The following DCP2 variants were observed in gnomAD, a reference collection of about 807,000 sequenced individuals.
DCP2 encodes m7GpppN-mRNA hydrolase.
A neutral mutation model predicts 56.1 loss-of-function variants in DCP2; 30 were observed. That is an observed-to-expected ratio of 0.53 (90% confidence interval 0.40 to 0.73). The LOEUF (loss-of-function observed/expected upper bound fraction) is 0.73, where lower values mean the gene tolerates loss of function less well. Ranked by LOEUF, DCP2 falls within the 30% of genes least tolerant of loss-of-function variation. The probability of loss-of-function intolerance (pLI) is 0.00; values close to 1 mark genes in which losing one functional copy is unlikely to be tolerated. For missense variants in DCP2, 533 were observed against 502.7 expected, an observed-to-expected ratio of 1.06 and a Z score of -0.58; for synonymous variants, 197 against 163.3, an observed-to-expected ratio of 1.21 and a Z score of -1.57.
At chr5:112,979,863 C>G (rs1561682097) in intron 1 of DCP2, among the ~76,000 whole-genome samples, 1 of 152,064 alleles carries the variant, frequency 6.6e-6, no homozygotes, top group Non-Finnish European at 1.5e-5. Flanking sequence ...TATTTAGTCC[C>G]TTGGTGCCTT....
chr5:112,996,147 C>T (rs1748837364), intron 4 of DCP2, among the ~76,000 whole-genome samples: 2 of 152,178 alleles, frequency 1.3e-5, no homozygotes, highest in Admixed American at 6.5e-5. Context: ...TAGTCCATAG[C>T]AGTGGCCTTT....
intron 10 of DCP2, among the ~76,000 whole-genome samples, chr5:113,011,540 G>A (rs1256700572): frequency 6.6e-6 from 1 of 152,068 alleles, no homozygotes; most frequent in East Asian, 1.9e-4. Flanking sequence ...CTAAATTTAA[G>A]GCTTTCATAT....
At chr5:113,008,252 A>G in intron 9 of DCP2, 1 of 419,284 alleles carries the variant, frequency 2.4e-6, no homozygotes, top group Non-Finnish European at 4.3e-6. Context: ...GCAATTGTAC[A>G]TCTAATTTTT....
intron 1 of DCP2, chr5:112,984,701 AAAATATATAT>A (rs1223112251): frequency 1.3e-5 from 1 of 79,562 alleles, no homozygotes; most frequent in African/African-American, 6.4e-5. Context: ...AAAAAAAAAA[AAAATATATAT>A]ATATATATAT....
chr5:113,000,420 A>ACACACACACACACCCC (rs112449298), intron 4 of DCP2, among the ~76,000 whole-genome samples: 28 of 146,760 alleles, frequency 1.9e-4, no homozygotes, highest in African/African-American at 4.0e-4. Context: ...ACACACACAC[A>ACACACACACACACCCC]CACACCCACA....
At position 113,020,077 on chromosome 5, in the gene DCP2, G is replaced by C. The variant is rs1158962548; in HGVS notation, c.*6593G>C. 1 of 152,200 alleles carries C rather than the reference G, an allele frequency of 6.6e-6. No homozygotes were observed. The highest frequency in any genetic ancestry group is 6.5e-5 in the Admixed American group (1 of 15,284). 9.4% of individuals were successfully genotyped at this position (152,200 alleles called of 1,614,324 possible). ...CATAGTCTTAAAACAATTTGTTTGG[G>C]AGTAAGTTTTAGTCGGAAAAAGGTG... On this transcript the variant is annotated 3_prime_UTR_variant, in exon 11 of 11. Coordinates refer to ENST00000389063, the MANE Select transcript of DCP2 (RefSeq NM_152624.6).
intron 2 of DCP2, among the ~76,000 whole-genome samples, chr5:112,989,999 T>A (rs918289226): frequency 6.6e-6 from 1 of 152,136 alleles, no homozygotes; most frequent in Non-Finnish European, 1.5e-5. Context: ...CAGTTGAGGA[T>A]CCCAGTTTCT....
intron 2 of DCP2, among the ~76,000 whole-genome samples, chr5:112,986,187 A>C (rs951267554): frequency 6.6e-5 from 10 of 152,158 alleles, no homozygotes; most frequent in African/African-American, 2.4e-4. Context: ...CATAATAATC[A>C]TACAGAGGAC....
At position 113,020,128 on chromosome 5, in the gene DCP2, A is replaced by G. The variant is rs1750044224; in HGVS notation, c.*6644A>G. ...AAGATATTTATGCTGAGTTATGTTAAGCAAATTATTTTGAGACCTTTTGCT... is the reference window on the plus strand; with the variant it reads ...AAGATATTTATGCTGAGTTATGTTAGGCAAATTATTTTGAGACCTTTTGCT... On this transcript the variant is annotated 3_prime_UTR_variant, in exon 11 of 11. Transcript: ENST00000389063. The G allele has an allele frequency of 6.6e-6, 1 of 152,248 alleles. No homozygotes were observed. Among genetic ancestry groups the G allele is most frequent in the Admixed American group, 6.5e-5 (1 of 15,290 alleles). 9.4% of individuals were successfully genotyped at this position (152,248 alleles called of 1,614,324 possible).
chr5:113,001,032 C>G (rs1580820746), intron 4 of DCP2, 52 bp from the exon 5 acceptor site: 1 of 1,513,346 alleles, frequency 6.6e-7, no homozygotes, highest in Non-Finnish European at 8.9e-7. Context: ...TTTTAATGAA[C>G]TAGAGGCCTA....
intron 10 of DCP2, 137 bp downstream of exon 10, chr5:113,010,944 A>G (rs916351954): frequency 1.8e-5 from 16 of 873,836 alleles, no homozygotes; most frequent in Middle Eastern, 2.4e-4. Context: ...GAAAGAGTTC[A>G]TGTATGTAGA....
chr5:113,002,161 G>A (rs1173858803), intron 7 of DCP2, among the ~76,000 whole-genome samples: 1 of 152,146 alleles, frequency 6.6e-6, no homozygotes, highest in East Asian at 1.9e-4. Flanking sequence ...AGTGGCTCAC[G>A]CCTGTAATTC....
At position 113,021,663 on chromosome 5, in the gene DCP2, T is replaced by TTCTC. The variant is rs2150200270; in HGVS notation, c.*8180_*8183dup. 6.6e-6 allele frequency among the ~76,000 whole-genome samples: 1 copy of TTCTC among 151,976 alleles called. No individual in the cohort carries two copies. The highest frequency in any genetic ancestry group is 6.6e-5 in the Admixed American group (1 of 15,222). On this transcript the variant is annotated 3_prime_UTR_variant, in exon 11 of 11. Transcript: ENST00000389063. ...ATATGATAGTAACTTTTATTTTAAATTCTCAAAAGGAGAGTGACTAAGGTG... is the reference window on the plus strand; with the variant it reads ...ATATGATAGTAACTTTTATTTTAAATTCTCTCTCAAAAGGAGAGTGACTAAGGTG...
intron 1 of DCP2, among the ~76,000 whole-genome samples, chr5:112,983,808 C>T (rs1264284640): frequency 1.3e-5 from 2 of 152,152 alleles, no homozygotes; most frequent in Admixed American, 1.3e-4. Context: ...TTCTCAATAT[C>T]AAAATTGCAA....
rs1750000409 is a variant in DCP2, at chr5:113,018,958, C to T, written c.*5474C>T. 6.6e-6 allele frequency: 1 copy of T among 152,212 alleles called. No individual in the cohort carries two copies. The highest frequency in any genetic ancestry group is 2.4e-5 in the African/African-American group (1 of 41,452). 9.4% of individuals were successfully genotyped at this position (152,212 alleles called of 1,614,324 possible). The stretch of plus-strand genomic sequence containing the variant: ...CTCTTTTGAGTCTCAAGGCTTATAG[C>T]TTTCACATTGGCTTGGGAACAACAG... On this transcript the variant is annotated 3_prime_UTR_variant, in exon 11 of 11. Transcript: ENST00000389063.
In DCP2 at chr5:113,017,815, T is replaced by C. The variant is rs557096661; in HGVS notation, c.*4331T>C. ...CATGGCCTAAGTGTAGTCATTCATA[T>C]ATATATGAATATCTATATCTATATC... On this transcript the variant is annotated 3_prime_UTR_variant, in exon 11 of 11. Transcript: ENST00000389063. The C allele has an allele frequency of 1.3e-5, 2 of 152,208 alleles. No homozygotes were observed. Among genetic ancestry groups the C allele is most frequent in the East Asian group, 1.9e-4 (1 of 5,200 alleles). 9.4% of individuals were successfully genotyped at this position (152,208 alleles called of 1,614,324 possible).
chr5:113,014,841 G>A lies in DCP2; in HGVS notation c.*1357G>A, dbSNP rs1216686651. On this transcript the variant is annotated 3_prime_UTR_variant, in exon 11 of 11. Coordinates refer to ENST00000389063, the MANE Select transcript of DCP2 (RefSeq NM_152624.6). ...ACAAAATACTTCTCTGCTTATAAAT[G>A]TTATTGTAGAAATCTTTATTCTGTG... 1 of 152,554 alleles carries A rather than the reference G, an allele frequency of 6.6e-6. No individual in the cohort carries two copies. The highest frequency in any genetic ancestry group is 2.4e-5 in the African/African-American group (1 of 41,420). 9.5% of individuals were successfully genotyped at this position (152,554 alleles called of 1,614,324 possible). A position where few individuals can be genotyped will look rare whatever the true frequency, so the allele number is the denominator to read the frequency against.
Position 113,001,233 on chromosome 5 carries a change from T to A in DCP2, c.582T>A (p.Ile194=), listed in dbSNP as rs143056869. Residue 194 remains isoleucine (I), a synonymous_variant, in exon 5 of 11, where the codon ATT becomes ATA. Transcript: ENST00000389063. Reference sequence around the variant, plus strand: ...TTAACCCAAAAACTAGAAGAGAAATTCGGGTATGTAACAAGAGTATTTTCA... The same window carrying A: ...TTAACCCAAAAACTAGAAGAGAAATACGGGTATGTAACAAGAGTATTTTCA... ...TKFNPKTRRE[I]RNIEWFSIEK... 159 of 1,612,670 alleles carry A rather than the reference T, an allele frequency of 9.9e-5. No individual in the cohort carries two copies. The East Asian group carries it at 3.5e-3, about 36-fold the overall frequency.
At position 112,985,955 on chromosome 5, in the gene DCP2, T is replaced by G; in HGVS notation, c.174T>G (p.Pro58=). The part of the protein sequence containing the change: ...DFYMQNTPGL[P]QCGIRDFAKA... ...ACATGCAGAACACACCAGGATTACC[T>G]CAGTGTGGGATAAGAGACTTTGCTA... Residue 58 remains proline, a synonymous_variant, in exon 2 of 11, where the codon CCT becomes CCG. Coordinates refer to ENST00000389063, the MANE Select transcript of DCP2 (RefSeq NM_152624.6). 6.3e-7 allele frequency: 1 copy of G among 1,586,034 alleles called. No homozygotes were observed. The highest frequency in any genetic ancestry group is 8.6e-7 in the Non-Finnish European group (1 of 1,158,768).
Sources: gnomAD v4.1 joint callset for allele counts (sites outside exome capture counted in the v4.1 genomes callset) on GRCh38, gnomAD v4.1.1 for gene constraint, MANE v1.5 for transcripts, NCBI Gene and HGNC (gene_info 2026-07-23, HGNC 2026-07-21) for gene names.